The following ADGRG7 variants were observed in gnomAD, a reference collection of about 807,000 sequenced individuals.
ADGRG7 encodes adhesion G protein-coupled receptor G7, also known as G-protein coupled receptor 128.
Under a neutral mutation model 88.6 loss-of-function variants are expected in ADGRG7, and 82 were observed. The ratio of observed to expected loss-of-function variants is 0.93; its 90% CI spans 0.77 to 1.11. ADGRG7 has a LOEUF of 1.11. ADGRG7 is among the 50% of genes most tolerant of loss of function. The pLI is 0.00. For missense variants in ADGRG7, 945 were observed against 953.4 expected (o/e 0.99, Z 0.12); for synonymous variants, 381 against 345.2 (o/e 1.10, Z -1.15).
At position 100,670,572 on chromosome 3, in the gene ADGRG7, A is replaced by G. The variant is rs181596285; in HGVS notation, c.2136+1467A>G. Reference sequence around the variant, plus strand: ...GTAGTTCTATTTTTAGCTTTTTTTTATTATTAAACTTTAAGTTCTGGGGTA... The same window carrying G: ...GTAGTTCTATTTTTAGCTTTTTTTTGTTATTAAACTTTAAGTTCTGGGGTA... On this transcript the variant is annotated intron_variant, in intron 15 of 15. Transcript: ENST00000273352. 3.1e-3 allele frequency among the ~76,000 whole-genome samples: 462 copies of G among 151,368 alleles called. 3 individuals are homozygous for G. Among genetic ancestry groups the G allele is most frequent in the African/African-American group, 0.011 (446 of 40,814 alleles).
intron 15 of ADGRG7, among the ~76,000 whole-genome samples, chr3:100,676,443 T>A (rs140753885): frequency 6.6e-6 from 1 of 152,164 alleles, no homozygotes; most frequent in Admixed American, 6.5e-5. Context: ...TCTAGTTTTA[T>A]TGCGTTGTGG....
chr3:100,637,092 C>A (rs1361411368), intron 5 of ADGRG7, among the ~76,000 whole-genome samples: 2 of 152,146 alleles, frequency 1.3e-5, no homozygotes, highest in Non-Finnish European at 2.9e-5. Flanking sequence ...TAATTCACTA[C>A]CTTAATTTAT....
Position 100,658,653 on chromosome 3 carries a change from C to A in ADGRG7, c.1824-1035C>A, listed in dbSNP as rs556089506. ...TCTACTTCAGGTCTTTGCTCAAATA[C>A]AGCTTTTTTCCATGAGGTTTTCCCT... On this transcript the variant is annotated intron_variant, in intron 13 of 15. Coordinates refer to ENST00000273352, the MANE Select transcript of ADGRG7 (RefSeq NM_032787.3). Among the ~76,000 whole-genome samples, 3 of 152,276 alleles carry A rather than the reference C, an allele frequency of 2.0e-5. No individual in the cohort carries two copies. In the East Asian group the frequency reaches 5.8e-4, roughly 29 times the overall value.
intron 15 of ADGRG7, among the ~76,000 whole-genome samples, chr3:100,681,826 C>A (rs889172002): frequency 6.6e-6 from 1 of 152,144 alleles, no homozygotes; most frequent in Non-Finnish European, 1.5e-5. Context: ...TCGCACCCTA[C>A]CAGGATCACC....
rs528262867 is a variant in ADGRG7 at position 100,613,191 on chromosome 3, G to C, written c.115+3220G>C. 2.6e-5 allele frequency among the ~76,000 whole-genome samples: 4 copies of C among 152,228 alleles called. No homozygotes were observed. In the South Asian group the frequency reaches 6.2e-4, roughly 24 times the overall value. Reference sequence around the variant, plus strand: ...AGGCGTGAGCCACCGCACCTGGCCTGATAATTCTTACACTGTGGAAAATAC... The same window carrying C: ...AGGCGTGAGCCACCGCACCTGGCCTCATAATTCTTACACTGTGGAAAATAC... On this transcript the variant is annotated intron_variant, in intron 1 of 15. Transcript: ENST00000273352.
At chr3:100,617,835 T>C (rs892427546) in intron 1 of ADGRG7, among the ~76,000 whole-genome samples, 5 of 152,174 alleles carry the variant, frequency 3.3e-5, no homozygotes, top group Non-Finnish European at 7.4e-5. Flanking sequence ...CCACCAACAG[T>C]GTAAAAGTGT....
chr3:100,637,347 A>G lies in ADGRG7; in HGVS notation c.643A>G (p.Ser215Gly), dbSNP rs776000688. The G allele has an allele frequency of 1.9e-6, 3 of 1,613,854 alleles. No homozygotes were observed. In the Admixed American group the frequency reaches 5.0e-5, roughly 27 times the overall value. ...AACAGTGAGTCAACTCCTAGATGCC[A>G]GTGAAGATGCTTTTCAAAGAGTTGC... Reference protein sequence around the residue: ...IVTVSQLLDASEDAFQRVAAT... With the variant: ...IVTVSQLLDAGEDAFQRVAAT... The change falls in exon 6 of 16, where the codon AGT (serine) becomes GGT (glycine). Residue 215 changes from serine to glycine, a missense_variant. Transcript: ENST00000273352.
intron 1 of ADGRG7, among the ~76,000 whole-genome samples, chr3:100,619,757 C>G (rs1197034899): frequency 6.6e-6 from 1 of 152,010 alleles, no homozygotes; most frequent in Non-Finnish European, 1.5e-5. Context: ...ATACAAACTA[C>G]CATCAGAGAA....
chr3:100,665,039 A>C (rs2094950073), intron 14 of ADGRG7: 1 of 473,740 alleles, frequency 2.1e-6, no homozygotes, highest in Non-Finnish European at 4.3e-6. Flanking sequence ...TTAGAAACAC[A>C]GAAGTTCACA....
Position 100,618,507 on chromosome 3 carries a change from G to A in ADGRG7, c.115+8536G>A, listed in dbSNP as rs149657051. 5.4e-4 allele frequency among the ~76,000 whole-genome samples: 82 copies of A among 152,238 alleles called. 2 individuals are homozygous for A. The East Asian group carries it at 0.014, about 27-fold the overall frequency. ...CCCATTTCTTGTTTTTGTCAGATTT[G>A]TCAAAGATCAGATGGTTGTAGATAT... On this transcript the variant is annotated intron_variant, in intron 1 of 15. Coordinates refer to ENST00000273352, the MANE Select transcript of ADGRG7 (RefSeq NM_032787.3).
intron 13 of ADGRG7, among the ~76,000 whole-genome samples, chr3:100,657,690 T>C (rs1229773762): frequency 6.6e-6 from 1 of 152,210 alleles, no homozygotes; most frequent in Non-Finnish European, 1.5e-5. Flanking sequence ...TCTGCAGACC[T>C]CAAGTCCATA....
At chr3:100,616,970 A>C (rs1269384302) in intron 1 of ADGRG7, among the ~76,000 whole-genome samples, 1 of 152,190 alleles carries the variant, frequency 6.6e-6, no homozygotes, top group Non-Finnish European at 1.5e-5. Context: ...GATGTATAGA[A>C]GGCTAAAGTC....
At chr3:100,651,900 AT>A (rs2094929711) in intron 11 of ADGRG7, among the ~76,000 whole-genome samples, 1 of 152,122 alleles carries the variant, frequency 6.6e-6, no homozygotes, top group African/African-American at 2.4e-5. Context: ...ATGTTTCTTG[AT>A]TTATGATAGG....
chr3:100,687,812 C>T (rs996108096), intron 15 of ADGRG7, among the ~76,000 whole-genome samples: 1 of 152,162 alleles, frequency 6.6e-6, no homozygotes, highest in Non-Finnish European at 1.5e-5. Flanking sequence ...CATCGATGTT[C>T]ATCAGGGATA....
At chr3:100,620,723 T>C (rs1374509954) in intron 1 of ADGRG7, among the ~76,000 whole-genome samples, 1 of 152,220 alleles carries the variant, frequency 6.6e-6, no homozygotes, top group African/African-American at 2.4e-5. Context: ...TCACAGACCC[T>C]GGCTGAAAGA....
At chr3:100,656,291 C>T (rs960919337) in intron 13 of ADGRG7, among the ~76,000 whole-genome samples, 12 of 152,090 alleles carry the variant, frequency 7.9e-5, no homozygotes, top group African/African-American at 2.9e-4. Context: ...TAGGTATTAT[C>T]CTTAGTAATC....
In ADGRG7 at chr3:100,683,046, C is replaced by T. The variant is rs143864239; in HGVS notation, c.2137-11698C>T. On this transcript the variant is annotated intron_variant, in intron 15 of 15. Transcript: ENST00000273352. ...GCTCTAGTGAAGAGCTACTGTCTCT[C>T]CTGAGAGCTGAGTGCTCATCGGAAC... Among the ~76,000 whole-genome samples, 13 of 152,250 alleles carry T rather than the reference C, an allele frequency of 8.5e-5. 1 individual carries two copies. Among genetic ancestry groups the T allele is most frequent in the African/African-American group, 3.1e-4 (13 of 41,556 alleles).
intron 11 of ADGRG7, among the ~76,000 whole-genome samples, chr3:100,653,338 T>C (rs1053280525): frequency 6.6e-6 from 1 of 152,216 alleles, no homozygotes; most frequent in South Asian, 2.1e-4. Context: ...TACACTGTTA[T>C]GGGAAATTAT....
At chr3:100,692,017 A>G (rs1000028992) in intron 15 of ADGRG7, among the ~76,000 whole-genome samples, 1 of 152,242 alleles carries the variant, frequency 6.6e-6, no homozygotes, top group Non-Finnish European at 1.5e-5. Flanking sequence ...TAAGTTGCTA[A>G]GAACGGTAAC....
Sources: gnomAD v4.1 joint callset for allele counts (sites outside exome capture counted in the v4.1 genomes callset) on GRCh38, gnomAD v4.1.1 for gene constraint, MANE v1.5 for transcripts, NCBI Gene and HGNC (gene_info 2026-07-23, HGNC 2026-07-21) for gene names.